Variants in SDK1 observed in about 807,000 individuals in gnomAD.
SDK1 encodes protein sidekick-1.
A neutral mutation model predicts 245.5 loss-of-function variants in SDK1; 157 were observed. The observed-to-expected ratio is 0.64, with a 90% CI of 0.56 to 0.73. The LOEUF (loss-of-function observed/expected upper bound fraction) is 0.73, where lower values mean the gene tolerates loss of function less well. Ranked by LOEUF, SDK1 falls within the 30% of genes least tolerant of loss-of-function variation. The pLI is 0.00. For synonymous variants in SDK1, 1,647 were observed against 1,278.5 expected (o/e 1.29, Z -6.15); for missense variants, 3,583 against 3,002.3 (o/e 1.19, Z -4.52).
intron 35 of SDK1, among the ~76,000 whole-genome samples, chr7:4,180,339 C>T (rs908503873): frequency 7.3e-5 from 11 of 151,048 alleles, no homozygotes; most frequent in Non-Finnish European, 2.9e-5. Flanking sequence ...GGCTCCAGCT[C>T]TATGCCCAGC....
At position 4,267,978 on chromosome 7, in the gene SDK1, C is replaced by T; in HGVS notation, c.*2594C>T. 1.0e-6 allele frequency: 1 copy of T among 985,518 alleles called. No homozygotes were observed. Among genetic ancestry groups the T allele is most frequent in the South Asian group, 4.7e-5 (1 of 21,294 alleles). 61.0% of individuals were successfully genotyped at this position (985,518 alleles called of 1,614,324 possible). A position where few individuals can be genotyped will look rare whatever the true frequency, so the allele number is the denominator to read the frequency against. On this transcript the variant is annotated 3_prime_UTR_variant, in exon 45 of 45. Coordinates refer to ENST00000404826, the MANE Select transcript of SDK1 (RefSeq NM_152744.4). ...TGCGGCATTTGAGAAGCAACAGTTC[C>T]TAACTCCTTATCTTCAGGGAAGGAA...
Position 4,120,363 on chromosome 7 carries a change from A to T in SDK1, c.3823+6089A>T, listed in dbSNP as rs1349675785. On this transcript the variant is annotated intron_variant, in intron 25 of 44. Transcript: ENST00000404826. ...AAATGCCAAAGAGAAAAATCTTAAA[A>T]ACAATTGGAGTGAAAGGCAAATAAT... Among the ~76,000 whole-genome samples the T allele has an allele frequency of 4.0e-5, 6 of 148,886 alleles. No homozygotes were observed. In the South Asian group the frequency reaches 1.3e-3, roughly 33 times the overall value.
chr7:3,340,725 T>G (rs1780324779), intron 1 of SDK1, among the ~76,000 whole-genome samples: 1 of 144,598 alleles, frequency 6.9e-6, no homozygotes, highest in Non-Finnish European at 1.5e-5. Context: ...ATTGGACCAC[T>G]GCACTCCCTG....
intron 5 of SDK1, among the ~76,000 whole-genome samples, chr7:3,856,690 C>G (rs1031821461): frequency 3.3e-5 from 5 of 151,974 alleles, no homozygotes; most frequent in African/African-American, 9.7e-5. Context: ...AGTCAGGAGG[C>G]TGAGGCAGGA....
chr7:3,319,738 G>A (rs749561409), intron 1 of SDK1, among the ~76,000 whole-genome samples: 37 of 152,002 alleles, frequency 2.4e-4, no homozygotes, highest in South Asian at 4.2e-4. Context: ...CCATTCCATC[G>A]TGAAAGAAAT....
At chr7:3,500,878 T>C (rs886420118) in intron 1 of SDK1, among the ~76,000 whole-genome samples, 6 of 152,134 alleles carry the variant, frequency 3.9e-5, no homozygotes, top group South Asian at 2.1e-4. Flanking sequence ...CCAACTGATA[T>C]TATTTTCTTC....
chr7:4,232,285 T>TGC (rs1185106634), intron 40 of SDK1, among the ~76,000 whole-genome samples: 1 of 151,772 alleles, frequency 6.6e-6, no homozygotes, highest in Non-Finnish European at 1.5e-5. Context: ...GGGGCCAGGC[T>TGC]TTGCAAAGAG....
intron 4 of SDK1, among the ~76,000 whole-genome samples, chr7:3,717,987 T>C (rs1785251465): frequency 6.6e-6 from 1 of 151,114 alleles, no homozygotes; most frequent in African/African-American, 2.4e-5. Context: ...TAAACCTTTA[T>C]GTCTCATGAA....
At chr7:3,849,301 C>T (rs144906033) in intron 5 of SDK1, among the ~76,000 whole-genome samples, 7 of 152,296 alleles carry the variant, frequency 4.6e-5, no homozygotes, top group Admixed American at 2.0e-4. Context: ...CACCACTCAG[C>T]GTTGCTGCTC....
At chr7:3,350,116 T>A (rs1462401252) in intron 1 of SDK1, among the ~76,000 whole-genome samples, 3 of 152,180 alleles carry the variant, frequency 2.0e-5, no homozygotes, top group African/African-American at 7.2e-5. Flanking sequence ...ACAGTAAGTT[T>A]AGCTTAGGGA....
At chr7:3,756,813 GT>G (rs1779946330) in intron 4 of SDK1, among the ~76,000 whole-genome samples, 1 of 152,072 alleles carries the variant, frequency 6.6e-6, no homozygotes, top group Non-Finnish European at 1.5e-5. Flanking sequence ...TTAGACTGGG[GT>G]TATGGATTTT....
chr7:3,628,435 T>A (rs1782185105), intron 2 of SDK1, among the ~76,000 whole-genome samples: 1 of 152,174 alleles, frequency 6.6e-6, no homozygotes, highest in African/African-American at 2.4e-5. Context: ...CAGTTTGTCC[T>A]AAGGACATCA....
At chr7:4,103,102 G>A (rs1052032120) in intron 22 of SDK1, among the ~76,000 whole-genome samples, 3 of 150,730 alleles carry the variant, frequency 2.0e-5, no homozygotes, top group African/African-American at 7.3e-5. Context: ...CCGGGCTCAC[G>A]CCATTCTCCT....
intron 22 of SDK1, among the ~76,000 whole-genome samples, chr7:4,099,971 A>G (rs77511866): frequency 4.0e-4 from 61 of 152,010 alleles, no homozygotes; most frequent in African/African-American, 1.4e-3. Flanking sequence ...GGTCCTCGCT[A>G]TGTGGACAGG....
intron 1 of SDK1, among the ~76,000 whole-genome samples, chr7:3,595,849 A>C (rs937802583): frequency 1.3e-5 from 2 of 150,114 alleles, no homozygotes; most frequent in Non-Finnish European, 3.0e-5. Flanking sequence ...AAAAAAAAAA[A>C]AAAAAAACAA....
chr7:3,555,189 A>T lies in SDK1; in HGVS notation c.299-63891A>T, dbSNP rs374610769. Among the ~76,000 whole-genome samples, 56 of 152,362 alleles carry T rather than the reference A, an allele frequency of 3.7e-4. No homozygotes were observed. The Middle Eastern group carries it at 0.01, about 28-fold the overall frequency. The stretch of plus-strand genomic sequence containing the variant: ...TTTACATGACTTGAAGTTATACTAC[A>T]GAGCTATAGTAACCAAAACAACATG... On this transcript the variant is annotated intron_variant, in intron 1 of 44. Transcript: ENST00000404826.
chr7:3,368,362 A>T (rs1490144185), intron 1 of SDK1, among the ~76,000 whole-genome samples: 2 of 152,218 alleles, frequency 1.3e-5, no homozygotes, highest in African/African-American at 4.8e-5. Flanking sequence ...ACACTTAAAA[A>T]TTATCTTTTG....
At chr7:3,593,468 T>C (rs1462975671) in intron 1 of SDK1, among the ~76,000 whole-genome samples, 1 of 152,216 alleles carries the variant, frequency 6.6e-6, no homozygotes. Context: ...AGCTCATCTT[T>C]GTATACTTCT....
At chr7:3,467,099 G>T (rs1781031159) in intron 1 of SDK1, among the ~76,000 whole-genome samples, 1 of 151,164 alleles carries the variant, frequency 6.6e-6, no homozygotes, top group Non-Finnish European at 1.5e-5. Context: ...CATTATACCT[G>T]GTTGGTTGAA....
Sources: allele counts gnomAD v4.1 joint callset (sites outside exome capture counted in the v4.1 genomes callset), GRCh38; gene constraint gnomAD v4.1.1; transcripts MANE v1.5; gene names NCBI Gene and HGNC (gene_info 2026-07-23, HGNC 2026-07-21).